The following MEGF11 variants were observed in gnomAD, a reference collection of about 807,000 sequenced individuals.
MEGF11 encodes the protein multiple EGF like domains 11.
MEGF11 carries 126 observed loss-of-function variants against 146.6 expected under a neutral mutation model. The ratio of observed to expected loss-of-function variants is 0.86; its 90% CI spans 0.74 to 1.00. The LOEUF (loss-of-function observed/expected upper bound fraction) is 1.00, where lower values mean the gene tolerates loss of function less well. MEGF11 is among the 50% of genes least tolerant of loss of function. The pLI is 0.00. For missense variants in MEGF11, 1,509 were observed against 1,521.2 expected, an observed-to-expected ratio of 0.99 and a Z score of 0.13; for synonymous variants, 532 against 583.4, an observed-to-expected ratio of 0.91 and a Z score of 1.27.
chr15:66,035,590 T>C (rs1282812424), intron 5 of MEGF11, among the ~76,000 whole-genome samples: 1 of 152,200 alleles, frequency 6.6e-6, no homozygotes, highest in Non-Finnish European at 1.5e-5. Context: ...AGGCAAGTAT[T>C]GAGGTCCTTC....
At chr15:66,205,763 T>C (rs898969495) in intron 1 of MEGF11, among the ~76,000 whole-genome samples, 1 of 152,200 alleles carries the variant, frequency 6.6e-6, no homozygotes, top group African/African-American at 2.4e-5. Context: ...GATTTCTACA[T>C]CTACCTGTCA....
At chr15:66,111,694 T>C (rs998284950) in intron 4 of MEGF11, among the ~76,000 whole-genome samples, 1 of 152,020 alleles carries the variant, frequency 6.6e-6, no homozygotes, top group Non-Finnish European at 1.5e-5. Context: ...ATAAACAAGG[T>C]ATTCTGGATG....
chr15:66,165,747 C>T (rs1721237250), intron 1 of MEGF11, among the ~76,000 whole-genome samples: 1 of 152,192 alleles, frequency 6.6e-6, no homozygotes, highest in African/African-American at 2.4e-5. Context: ...TCCAAGCTCC[C>T]TTCAGAGGCC....
At chr15:65,977,866 CCT>C (rs1051898988) in intron 7 of MEGF11, among the ~76,000 whole-genome samples, 1 of 152,178 alleles carries the variant, frequency 6.6e-6, no homozygotes, top group African/African-American at 2.4e-5. Context: ...TTTCCTCCTG[CCT>C]CTCTGTCTCT....
chr15:66,153,345 T>C (rs7176051), intron 1 of MEGF11, among the ~76,000 whole-genome samples: 36,507 of 152,028 alleles, frequency 0.24, 5,280 homozygotes, highest in East Asian at 0.66. Flanking sequence ...GAGGCCGAGG[T>C]GAGAGGATCA....
chr15:65,947,643 T>C (rs1567171048), intron 10 of MEGF11, among the ~76,000 whole-genome samples: 1 of 152,234 alleles, frequency 6.6e-6, no homozygotes. Context: ...GAGGCTTCTC[T>C]GATTTGTGGC....
intron 7 of MEGF11, among the ~76,000 whole-genome samples, chr15:65,973,614 C>T (rs2081363325): frequency 6.6e-6 from 1 of 152,156 alleles, no homozygotes; most frequent in African/African-American, 2.4e-5. Context: ...CTGGGCGACA[C>T]AGCCAAATCC....
chr15:65,947,843 A>G (rs891137471), intron 10 of MEGF11, among the ~76,000 whole-genome samples: 1 of 152,234 alleles, frequency 6.6e-6, no homozygotes, highest in African/African-American at 2.4e-5. Context: ...TGCGGCCACT[A>G]GGCCTGAGAC....
chr15:65,973,117 CAAAAA>C (rs59330024), intron 7 of MEGF11, among the ~76,000 whole-genome samples: 1 of 130,482 alleles, frequency 7.7e-6, no homozygotes, highest in Non-Finnish European at 1.6e-5. Context: ...AACTCTGTCT[CAAAAA>C]AAAAAAAAAA....
At chr15:65,915,626 G>A (rs1207378409) in intron 18 of MEGF11, 28 bp from the exon 19 acceptor site, 1 of 1,609,192 alleles carries the variant, frequency 6.2e-7, no homozygotes, top group African/African-American at 1.3e-5. Flanking sequence ...TTAGGGTAGA[G>A]GACCCACTCA....
At chr15:66,252,505 G>C (rs1022117972) in intron 1 of MEGF11, among the ~76,000 whole-genome samples, 3 of 152,096 alleles carry the variant, frequency 2.0e-5, no homozygotes, top group Non-Finnish European at 4.4e-5. Flanking sequence ...CTCGCAGCGC[G>C]GGCTGCGGGG....
intron 5 of MEGF11, among the ~76,000 whole-genome samples, chr15:66,044,688 A>G (rs2084123274): frequency 6.6e-6 from 1 of 151,430 alleles, no homozygotes; most frequent in African/African-American, 2.4e-5. Flanking sequence ...AAAAATAATA[A>G]TAATAATAAT....
intron 1 of MEGF11, among the ~76,000 whole-genome samples, chr15:66,183,562 G>A (rs535562760): frequency 8.0e-5 from 12 of 150,484 alleles, no homozygotes; most frequent in African/African-American, 2.7e-4. Flanking sequence ...AAAAGAAAAC[G>A]GATGCCACGA....
chr15:66,230,271 G>A (rs2091942801), intron 1 of MEGF11, among the ~76,000 whole-genome samples: 2 of 152,136 alleles, frequency 1.3e-5, no homozygotes, highest in Admixed American at 1.3e-4. Flanking sequence ...TCCCTTGTCT[G>A]GCAGCTGCCC....
At position 65,898,456 on chromosome 15, in the gene MEGF11, C is replaced by G. The variant is rs773220429; in HGVS notation, c.3262+272G>C. 3.8e-5 allele frequency: 37 copies of G among 984,448 alleles called. No homozygotes were observed. In the African/African-American group the frequency reaches 6.3e-4, roughly 17 times the overall value. The allele number at this position is 984,448 out of a possible 1,614,324, so 61.0% of individuals were successfully genotyped here. A position where few individuals can be genotyped will look rare whatever the true frequency, so the allele number is the denominator to read the frequency against. ...TATCAACAATCTGTGTGTGTGTGTG[C>G]GCGCGTGCACGTGCATGTGCCCATT... On this transcript the variant is annotated intron_variant, in intron 25 of 25. Coordinates refer to ENST00000395614, the MANE Select transcript of MEGF11 (RefSeq NM_001385028.1).
At position 65,909,752 on chromosome 15, in the gene MEGF11, C is replaced by T. The variant is rs1224032735; in HGVS notation, c.2884G>A (p.Val962Met). Reference protein sequence around the residue: ...DTAGWTPYSYVNVLDSHFQIS... With the variant: ...DTAGWTPYSYMNVLDSHFQIS... ...CACCACTACTGACCTAACACGTTCA[C>T]ATAGCTGTAGGGGGTCCAGCCTGCT... The change falls in exon 22 of 26, where the codon GTG becomes ATG. Residue 962 changes from valine to methionine, a missense_variant. Transcript: ENST00000395614. The T allele has an allele frequency of 6.3e-7, 1 of 1,581,900 alleles. No individual in the cohort carries two copies. The highest frequency in any genetic ancestry group is 2.3e-5 in the East Asian group (1 of 44,042).
intron 9 of MEGF11, among the ~76,000 whole-genome samples, chr15:65,963,441 C>A (rs76422749): frequency 0.061 from 9,251 of 152,204 alleles, 415 homozygotes; most frequent in Non-Finnish European, 0.092. Context: ...TGTACTTCTC[C>A]TCTACATTTT....
chr15:65,898,244 C>T, intron 25 of MEGF11, 150 bp from the exon 26 acceptor site: 10 of 1,427,066 alleles, frequency 7.0e-6, no homozygotes, highest in Non-Finnish European at 9.1e-6. Context: ...GAGGCTTGCT[C>T]AGGAGATGGA....
intron 23 of MEGF11, among the ~76,000 whole-genome samples, chr15:65,907,014 A>G (rs2141163479): frequency 6.6e-6 from 1 of 152,266 alleles, no homozygotes; most frequent in East Asian, 1.9e-4. Context: ...TTGGGACAGT[A>G]ATGACTCTGG....
Sources: gnomAD v4.1 joint callset for allele counts (sites outside exome capture counted in the v4.1 genomes callset) on GRCh38, gnomAD v4.1.1 for gene constraint, MANE v1.5 for transcripts, NCBI Gene and HGNC (gene_info 2026-07-23, HGNC 2026-07-21) for gene names.